Variants in TAF4 observed in about 807,000 individuals in gnomAD.
The protein encoded by TAF4 is transcription initiation factor TFIID subunit 4.
TAF4 carries 9 observed loss-of-function variants against 90.3 expected under a neutral mutation model. The ratio of observed to expected loss-of-function variants is 0.10; its 90% CI spans 0.06 to 0.17. TAF4 has a LOEUF of 0.17. TAF4 is among the 10% of genes least tolerant of loss of function. The probability of loss-of-function intolerance (pLI) is 1.00; values close to 1 mark genes in which losing one functional copy is unlikely to be tolerated. For synonymous variants in TAF4, 818 were observed against 638.9 expected, an observed-to-expected ratio of 1.28 and a Z score of -4.23; for missense variants, 1,351 against 1,370.7, an observed-to-expected ratio of 0.99 and a Z score of 0.23.
intron 9 of TAF4, among the ~76,000 whole-genome samples, chr20:62,002,521 C>T (rs1274623842): frequency 6.6e-6 from 1 of 152,162 alleles, no homozygotes; most frequent in Admixed American, 6.5e-5. Flanking sequence ...AACAGGGCCT[C>T]ACTCTGTCAC....
At chr20:62,003,069 A>G in intron 9 of TAF4, 91 bp downstream of exon 9, 2 of 1,109,314 alleles carry the variant, frequency 1.8e-6, no homozygotes, top group Non-Finnish European at 2.6e-6. Flanking sequence ...CCACGTGGGA[A>G]AGACCCGTGG....
At chr20:61,999,920 G>T (rs1433914888) in intron 11 of TAF4, among the ~76,000 whole-genome samples, 3 of 152,236 alleles carry the variant, frequency 2.0e-5, no homozygotes, top group Non-Finnish European at 1.5e-5. Context: ...CTGAACTCCA[G>T]CCTGGGCAAC....
chr20:61,997,990 GTATT>G, intron 13 of TAF4, 142 bp downstream of exon 13: 1 of 779,208 alleles, frequency 1.3e-6, no homozygotes, highest in South Asian at 2.1e-5. Context: ...CTCTGATGTT[GTATT>G]TATTTAAACT....
At chr20:62,047,692 G>C (rs2056001225) in intron 1 of TAF4, among the ~76,000 whole-genome samples, 1 of 152,230 alleles carries the variant, frequency 6.6e-6, no homozygotes, top group Non-Finnish European at 1.5e-5. Flanking sequence ...CTCTGCCTCT[G>C]CCGTGAGCGC....
chr20:62,059,750 A>G (rs2145523000), intron 1 of TAF4, among the ~76,000 whole-genome samples: 1 of 152,338 alleles, frequency 6.6e-6, no homozygotes, highest in South Asian at 2.1e-4. Context: ...GTTCCTACTG[A>G]GCACCATGAA....
Position 61,976,198 on chromosome 20 carries a change from T to C in TAF4, c.3228A>G (p.Ser1076=). 1 of 1,614,068 alleles carries C rather than the reference T, an allele frequency of 6.2e-7. No homozygotes were observed. Among genetic ancestry groups the C allele is most frequent in the Non-Finnish European group, 8.5e-7 (1 of 1,180,040 alleles). ...CLENERETSH[S]LLLYKAFLK is the part of the protein sequence containing the mutation. ...TAAGGAATGCTTTGTAGAGCAGCAG[T>C]GAATGGCTTGTCTCACGTTCATTTT... Residue 1076 remains serine (S), a synonymous_variant, in exon 15 of 15, where the codon TCA becomes TCG. Transcript: ENST00000252996.
chr20:62,021,629 G>A lies in TAF4; in HGVS notation c.1361-6922C>T, dbSNP rs117611452. 1.8e-3 allele frequency among the ~76,000 whole-genome samples: 267 copies of A among 152,370 alleles called. 1 individual carries two copies. The highest frequency in any genetic ancestry group is 3.4e-3 in the Middle Eastern group (1 of 294). Reference sequence around the variant, plus strand: ...GACGGTCGCTAGCTGACACTCACTCGGCAACCTCAGGAGGTGGCTGTACAG... The same window carrying A: ...GACGGTCGCTAGCTGACACTCACTCAGCAACCTCAGGAGGTGGCTGTACAG... On this transcript the variant is annotated intron_variant, in intron 1 of 14. Coordinates refer to ENST00000252996, the MANE Select transcript of TAF4 (RefSeq NM_003185.4).
intron 14 of TAF4, among the ~76,000 whole-genome samples, chr20:61,982,177 G>C (rs1483290427): frequency 2.8e-5 from 2 of 71,004 alleles, no homozygotes; most frequent in African/African-American, 5.5e-5. Flanking sequence ...CCACCCGAGA[G>C]GAGACACCAA....
intron 14 of TAF4, among the ~76,000 whole-genome samples, chr20:61,981,734 C>T (rs2055542205): frequency 6.6e-6 from 1 of 151,892 alleles, no homozygotes; most frequent in South Asian, 2.1e-4. Context: ...AGGAGACGTT[C>T]ACAAAAGACA....
chr20:61,987,280 C>A (rs1421272216), intron 14 of TAF4, among the ~76,000 whole-genome samples: 3 of 152,072 alleles, frequency 2.0e-5, no homozygotes, highest in African/African-American at 7.2e-5. Context: ...CCATCAAAGA[C>A]CAGGAAAGAC....
chr20:62,065,873 G>C lies in TAF4; in HGVS notation c.-63C>G. On this transcript the variant is annotated 5_prime_UTR_variant, in exon 1 of 15. Transcript: ENST00000252996. ...CCGAGCGCGCCTGGGCGAGGAGGAG[G>C]TTCCGACTGGGGCGGGCGCTGGGCG... is the stretch of plus-strand genomic sequence containing the variant. The C allele has an allele frequency of 8.9e-7, 1 of 1,126,076 alleles. No individual in the cohort carries two copies. The highest frequency in any genetic ancestry group is 1.1e-6 in the Non-Finnish European group (1 of 906,130). 69.8% of individuals were successfully genotyped at this position (1,126,076 alleles called of 1,614,324 possible).
At chr20:62,034,247 G>A (rs531384047) in intron 1 of TAF4, among the ~76,000 whole-genome samples, 1 of 152,172 alleles carries the variant, frequency 6.6e-6, no homozygotes, top group Non-Finnish European at 1.5e-5. Context: ...TGGAAGAGTT[G>A]AAGAGTGCTA....
chr20:61,977,196 G>T (rs551786205), intron 14 of TAF4, among the ~76,000 whole-genome samples: 1 of 140,672 alleles, frequency 7.1e-6, no homozygotes, highest in African/African-American at 2.6e-5. Flanking sequence ...ACACCGCCCA[G>T]CGGGGCGCGC....
intron 1 of TAF4, among the ~76,000 whole-genome samples, chr20:62,019,926 G>A (rs534863894): frequency 7.9e-5 from 12 of 152,322 alleles, no homozygotes; most frequent in African/African-American, 2.9e-4. Flanking sequence ...GGTGCCGCAG[G>A]CCGCCCCGCA....
intron 1 of TAF4, among the ~76,000 whole-genome samples, chr20:62,060,646 T>A (rs1179932321): frequency 6.6e-6 from 1 of 152,238 alleles, no homozygotes; most frequent in East Asian, 1.9e-4. Flanking sequence ...AAAGTTCTTT[T>A]TCTTTGTTCT....
chr20:62,016,145 C>A (rs2055810788), intron 1 of TAF4, among the ~76,000 whole-genome samples: 1 of 152,224 alleles, frequency 6.6e-6, no homozygotes, highest in Admixed American at 6.5e-5. Flanking sequence ...CATGTGGCCG[C>A]CAGAGCTGCT....
In TAF4 at chr20:62,000,546, A is replaced by C; in HGVS notation, c.2656+6T>G. On this transcript the variant is annotated splice_donor_region_variant and intron_variant, in intron 10 of 14. Coordinates refer to ENST00000252996, the MANE Select transcript of TAF4 (RefSeq NM_003185.4). ...ATAAGAACTCAGTCATTAAACACCA[A>C]CGTACCTATTTCTAATATTCTTCTC... The C allele has an allele frequency of 6.2e-7, 1 of 1,611,536 alleles. No individual in the cohort carries two copies. Among genetic ancestry groups the C allele is most frequent in the East Asian group, 2.2e-5 (1 of 44,820 alleles).
chr20:62,004,528 A>G (rs2055732009), intron 7 of TAF4: 2 of 151,246 alleles, frequency 1.3e-5, no homozygotes, highest in Non-Finnish European at 2.9e-5. Flanking sequence ...GGGTTTCACC[A>G]CATTGGCCAG....
chr20:62,007,998 C>T (rs2055757119), intron 5 of TAF4: 1 of 185,230 alleles, frequency 5.4e-6, no homozygotes. Context: ...ACTCCATTAT[C>T]AAAGCCAGCA....
Sources: gnomAD v4.1 joint callset for allele counts (sites outside exome capture counted in the v4.1 genomes callset) on GRCh38, gnomAD v4.1.1 for gene constraint, MANE v1.5 for transcripts, NCBI Gene and HGNC (gene_info 2026-07-23, HGNC 2026-07-21) for gene names.